RIMS2: variants seen among roughly 807,000 people sequenced by gnomAD.
RIMS2 encodes regulating synaptic membrane exocytosis protein 2.
RIMS2 carries 59 observed loss-of-function variants against 174.4 expected under a neutral mutation model. The observed-to-expected ratio is 0.34, with a 90% confidence interval of 0.27 to 0.42. The LOEUF (loss-of-function observed/expected upper bound fraction) is 0.42, where lower values mean the gene tolerates loss of function less well. RIMS2 is among the 10% of genes least tolerant of loss of function. The probability of loss-of-function intolerance (pLI) is 1.00; values close to 1 mark genes in which losing one functional copy is unlikely to be tolerated. For missense variants in RIMS2, 1,620 were observed against 1,666.3 expected, an observed-to-expected ratio of 0.97 and a Z score of 0.48; for synonymous variants, 606 against 572.5, an observed-to-expected ratio of 1.06 and a Z score of -0.84.
At chr8:103,607,410 C>G (rs967916266) in intron 1 of RIMS2, among the ~76,000 whole-genome samples, 7 of 151,846 alleles carry the variant, frequency 4.6e-5, no homozygotes, top group Non-Finnish European at 8.8e-5. Context: ...GGTAACCCGA[C>G]CTTTCTCTCT....
intron 15 of RIMS2, among the ~76,000 whole-genome samples, chr8:103,969,070 A>G (rs2092534484): frequency 6.6e-6 from 1 of 152,066 alleles, no homozygotes; most frequent in African/African-American, 2.4e-5. Flanking sequence ...TAGAGAACTC[A>G]TATGTAATTC....
chr8:104,077,011 G>A (rs1334844743), intron 19 of RIMS2, among the ~76,000 whole-genome samples: 2 of 151,548 alleles, frequency 1.3e-5, no homozygotes, highest in Non-Finnish European at 2.9e-5. Flanking sequence ...TAAAAGGCAG[G>A]GTTTCACCAC....
chr8:103,981,774 C>T (rs1008125636), intron 16 of RIMS2, among the ~76,000 whole-genome samples: 2 of 151,688 alleles, frequency 1.3e-5, no homozygotes, highest in Admixed American at 1.3e-4. Flanking sequence ...CCCTTCAGAG[C>T]AGAATAGATC....
At chr8:103,619,800 G>A (rs762457118) in intron 1 of RIMS2, among the ~76,000 whole-genome samples, 1 of 151,044 alleles carries the variant, frequency 6.6e-6, no homozygotes, top group African/African-American at 2.4e-5. Context: ...CCTTTAATCC[G>A]CATTTTGGCT....
At chr8:103,766,746 T>C (rs2098176358) in intron 3 of RIMS2, among the ~76,000 whole-genome samples, 1 of 152,152 alleles carries the variant, frequency 6.6e-6, no homozygotes, top group African/African-American at 2.4e-5. Flanking sequence ...AGTGTTAGGT[T>C]ATCAGATAGA....
intron 19 of RIMS2, among the ~76,000 whole-genome samples, chr8:104,101,216 A>C (rs2097892367): frequency 6.6e-6 from 1 of 150,480 alleles, no homozygotes. Flanking sequence ...AACTTCCGTC[A>C]CCCGGGTTCA....
intron 19 of RIMS2, among the ~76,000 whole-genome samples, chr8:104,021,401 A>G (rs944638761): frequency 3.9e-5 from 6 of 152,150 alleles, no homozygotes; most frequent in Non-Finnish European, 5.9e-5. Context: ...ATTTTTACCT[A>G]TTTCACGAGC....
Position 104,172,472 on chromosome 8 carries a change from T to C in RIMS2, c.3335-72444T>C, listed in dbSNP as rs151334366. ...GTTGGGATTTTTGCTTGATAAATAA[T>C]TTTTATTTGATAAATAAAGTTTGTC... On this transcript the variant is annotated intron_variant, in intron 19 of 23. Coordinates refer to ENST00000504942, the Ensembl canonical transcript of RIMS2. Among the ~76,000 whole-genome samples the C allele has an allele frequency of 6.6e-5, 10 of 152,348 alleles. No homozygotes were observed. In the East Asian group the frequency reaches 1.3e-3, roughly 21 times the overall value.
At chr8:103,872,355 T>C (rs2099116429) in intron 3 of RIMS2, among the ~76,000 whole-genome samples, 1 of 152,222 alleles carries the variant, frequency 6.6e-6, no homozygotes, top group African/African-American at 2.4e-5. Context: ...TTTTATTTAC[T>C]TGTTTATAAC....
chr8:103,842,178 A>G (rs1364907655), intron 3 of RIMS2, among the ~76,000 whole-genome samples: 1 of 152,120 alleles, frequency 6.6e-6, no homozygotes, highest in Non-Finnish European at 1.5e-5. Flanking sequence ...CTGGTTTTCT[A>G]TTGACTCTCC....
At chr8:103,703,555 A>G (rs1423293382) in intron 2 of RIMS2, among the ~76,000 whole-genome samples, 2 of 152,112 alleles carry the variant, frequency 1.3e-5, no homozygotes, top group Admixed American at 1.3e-4. Flanking sequence ...TATTTTATGT[A>G]TAGCATTGAA....
chr8:103,604,304 G>C (rs2094930868), intron 1 of RIMS2, among the ~76,000 whole-genome samples: 1 of 151,730 alleles, frequency 6.6e-6, no homozygotes, highest in Non-Finnish European at 1.5e-5. Context: ...AGATCAGATA[G>C]TTGTTGATAT....
intron 19 of RIMS2, among the ~76,000 whole-genome samples, chr8:104,105,363 C>G (rs2098025271): frequency 6.6e-6 from 1 of 152,068 alleles, no homozygotes; most frequent in Non-Finnish European, 1.5e-5. Flanking sequence ...CTAGAAAGAA[C>G]CTCAGGGGAA....
Position 103,954,714 on chromosome 8 carries a change from A to C in RIMS2, c.2702-6351A>C, listed in dbSNP as rs199822106. ...AGAACTAGAGAAGCAAGAGCAAACA[A>C]ATCCAAAAGCTAGCAGAAGACAAGA... On this transcript the variant is annotated intron_variant, in intron 14 of 23. Transcript: ENST00000504942. Among the ~76,000 whole-genome samples, 486 of 149,598 alleles carry C rather than the reference A, an allele frequency of 3.2e-3. 5 individuals carry two copies. Among genetic ancestry groups the C allele is most frequent in the Non-Finnish European group, 3.6e-3 (236 of 66,300 alleles).
chr8:103,516,566 A>G (rs1829074665), intron 1 of RIMS2, among the ~76,000 whole-genome samples: 1 of 152,186 alleles, frequency 6.6e-6, no homozygotes, highest in Non-Finnish European at 1.5e-5. Context: ...AGATGGAAGA[A>G]AAGAAGGAAA....
At chr8:104,056,892 GA>G (rs1228513143) in intron 19 of RIMS2, among the ~76,000 whole-genome samples, 5 of 151,338 alleles carry the variant, frequency 3.3e-5, no homozygotes, top group East Asian at 3.9e-4. Flanking sequence ...GTCTTAAAAA[GA>G]AAAAAAAGTT....
intron 3 of RIMS2, among the ~76,000 whole-genome samples, chr8:103,811,186 A>G (rs749631383): frequency 2.0e-5 from 3 of 152,150 alleles, no homozygotes; most frequent in Non-Finnish European, 4.4e-5. Context: ...TGAAATTGTA[A>G]TGTTGCTTTC....
intron 19 of RIMS2, among the ~76,000 whole-genome samples, chr8:104,174,870 A>T (rs548125454): frequency 4.6e-5 from 7 of 152,250 alleles, no homozygotes; most frequent in Non-Finnish European, 8.8e-5. Flanking sequence ...GTGTTTTCAG[A>T]TTCTTTCACC....
chr8:103,768,385 A>G, intron 3 of RIMS2: 2 of 741,654 alleles, frequency 2.7e-6, no homozygotes, highest in Non-Finnish European at 5.0e-6. Flanking sequence ...TGGCCACAGA[A>G]GTTGCTGCTG....
Sources: gnomAD v4.1 joint callset for allele counts (sites outside exome capture counted in the v4.1 genomes callset) on GRCh38, gnomAD v4.1.1 for gene constraint, MANE v1.5 for transcripts, NCBI Gene and HGNC (gene_info 2026-07-23, HGNC 2026-07-21) for gene names.